The following UBAC1 variants were observed in gnomAD, a reference collection of about 807,000 sequenced individuals.
UBAC1 encodes UBA domain containing 1, also known as ubiquitin-associated domain-containing protein 1.
Under a neutral mutation model 45.9 loss-of-function variants are expected in UBAC1, and 27 were observed. That is an observed-to-expected ratio of 0.59 (90% CI 0.43 to 0.81). UBAC1 has a LOEUF of 0.81. UBAC1 is among the 30% of genes least tolerant of loss of function. The probability of loss-of-function intolerance (pLI) is 0.00; values close to 1 mark genes in which losing one functional copy is unlikely to be tolerated. For missense variants in UBAC1, 529 were observed against 539.2 expected (o/e 0.98, Z 0.19); for synonymous variants, 227 against 215.5 (o/e 1.05, Z -0.47).
rs1186904801 is a variant in UBAC1, at chr9:135,939,716, A to G, written c.920T>C (p.Val307Ala). The G allele has an allele frequency of 6.2e-7, 1 of 1,613,764 alleles. No individual in the cohort carries two copies. The highest frequency in any genetic ancestry group is 1.1e-5 in the South Asian group (1 of 91,070). Residue 307 changes from valine to alanine, a missense_variant, in exon 8 of 10, where the codon GTG becomes GCG. Val to Ala is a moderately conservative substitution (Grantham distance 64, BLOSUM62 0). Coordinates refer to ENST00000371756, the MANE Select transcript of UBAC1 (RefSeq NM_016172.3). ...GTTGTTCACTCTGAGGGCATCTATC[A>G]CCTCTTTCTCGTCGAACCCCATCTC... ...LMEMGFDEKE[V>A]IDALRVNNNQ...
intron 3 of UBAC1, among the ~76,000 whole-genome samples, chr9:135,950,560 A>C (rs1839395125): frequency 6.6e-6 from 1 of 152,168 alleles, no homozygotes; most frequent in African/African-American, 2.4e-5. Context: ...ACAGCTGTGT[A>C]AGAAGGATAG....
intron 1 of UBAC1, among the ~76,000 whole-genome samples, chr9:135,959,017 C>A (rs972084250): frequency 6.6e-6 from 1 of 152,194 alleles, no homozygotes; most frequent in Admixed American, 6.5e-5. Flanking sequence ...AGCATTGCAT[C>A]GGAACTGGCT....
intron 5 of UBAC1, 31 bp downstream of exon 5, chr9:135,946,238 C>T (rs1460848447): frequency 6.7e-7 from 1 of 1,502,258 alleles, no homozygotes; most frequent in Non-Finnish European, 9.3e-7. Flanking sequence ...AGTGAACCGC[C>T]CTGGAATGCA....
chr9:135,941,589 A>G (rs1011613174), intron 7 of UBAC1, among the ~76,000 whole-genome samples: 1 of 152,204 alleles, frequency 6.6e-6, no homozygotes, highest in African/African-American at 2.4e-5. Flanking sequence ...CCTCCTCACT[A>G]GCTTCAATAG....
chr9:135,947,733 C>G, intron 4 of UBAC1, 65 bp downstream of exon 4: 2 of 1,373,548 alleles, frequency 1.5e-6, no homozygotes, highest in Admixed American at 2.2e-5. Flanking sequence ...CCGCAGGAAC[C>G]CCCCCACAGC....
intron 7 of UBAC1, among the ~76,000 whole-genome samples, chr9:135,944,609 C>T (rs10116480): frequency 0.038 from 5,859 of 152,302 alleles, 260 homozygotes; most frequent in African/African-American, 0.11. Context: ...AGCGGCCCCT[C>T]GCTCATGGAC....
In UBAC1 at chr9:135,953,777, C is replaced by T. The variant is rs970355113; in HGVS notation, c.260-24G>A. 7 of 1,603,880 alleles carry T rather than the reference C, an allele frequency of 4.4e-6. No homozygotes were observed. The South Asian group carries it at 5.5e-5, about 13-fold the overall frequency. ...ATCTAGAAAAAACAACACGTATATC[C>T]AACACACTGGTTATCACTTCATATC... On this transcript the variant is annotated intron_variant, in intron 2 of 9. Transcript: ENST00000371756.
At chr9:135,957,233 T>TG (rs377564954) in intron 1 of UBAC1, among the ~76,000 whole-genome samples, 2 of 151,894 alleles carry the variant, frequency 1.3e-5, no homozygotes. Flanking sequence ...GAGGGGATGT[T>TG]GGGGGGACGC....
intron 1 of UBAC1, among the ~76,000 whole-genome samples, chr9:135,960,381 C>G (rs10858190): frequency 1.3e-5 from 2 of 152,160 alleles, no homozygotes; most frequent in African/African-American, 4.8e-5. Flanking sequence ...TCTCTCTTGA[C>G]CAATTTTACC....
At chr9:135,935,180 A>G (rs1839189280) in intron 9 of UBAC1, among the ~76,000 whole-genome samples, 1 of 152,208 alleles carries the variant, frequency 6.6e-6, no homozygotes. Context: ...TACAGGCATG[A>G]GCCACCATGC....
chr9:135,938,056 G>A (rs368680920), intron 9 of UBAC1, among the ~76,000 whole-genome samples, 166 bp downstream of exon 9: 38 of 152,150 alleles, frequency 2.5e-4, no homozygotes, highest in Non-Finnish European at 3.5e-4. Flanking sequence ...GTGACGTAGC[G>A]GGACTACACC....
At chr9:135,952,398 T>C (rs1839416358) in intron 3 of UBAC1, among the ~76,000 whole-genome samples, 3 of 152,240 alleles carry the variant, frequency 2.0e-5, no homozygotes, top group Admixed American at 2.0e-4. Flanking sequence ...GGAAAGTGGC[T>C]GCCCTTCTAG....
rs572187382 is a variant in UBAC1 at position 135,953,387 on chromosome 9, G to T, written c.333+293C>A. 4.6e-5 allele frequency among the ~76,000 whole-genome samples: 7 copies of T among 152,256 alleles called. No individual in the cohort carries two copies. The South Asian group carries it at 1.5e-3, about 32-fold the overall frequency. On this transcript the variant is annotated intron_variant, in intron 3 of 9. Coordinates refer to ENST00000371756, the MANE Select transcript of UBAC1 (RefSeq NM_016172.3). ...GCTGGAGTGCAGTGGCACGATCTCGGCTCACTGCAACCTCTGCCTCCCGGG... is the reference window on the plus strand; with the variant it reads ...GCTGGAGTGCAGTGGCACGATCTCGTCTCACTGCAACCTCTGCCTCCCGGG...
At chr9:135,954,628 T>C (rs1055260015) in intron 2 of UBAC1, among the ~76,000 whole-genome samples, 1 of 152,240 alleles carries the variant, frequency 6.6e-6, no homozygotes, top group Non-Finnish European at 1.5e-5. Flanking sequence ...AAAGAATTGG[T>C]GACAATCCTG....
Position 135,935,414 on chromosome 9 carries a change from G to A in UBAC1, c.1103-1899C>T, listed in dbSNP as rs1487184619. On this transcript the variant is annotated intron_variant, in intron 9 of 9. Transcript: ENST00000371756. ...CAATCCCAGCACTCTAGAAGGCAGA[G>A]GTGGGGGGAGCGCTTGAAGCCAGGA... 2.6e-5 allele frequency among the ~76,000 whole-genome samples: 4 copies of A among 152,310 alleles called. No individual in the cohort carries two copies. The East Asian group carries it at 5.8e-4, about 22-fold the overall frequency.
Position 135,961,195 on chromosome 9 carries a change from C to A in UBAC1, c.-33G>T. 1 of 1,489,514 alleles carries A rather than the reference C, an allele frequency of 6.7e-7. No individual in the cohort carries two copies. The highest frequency in any genetic ancestry group is 8.9e-7 in the Non-Finnish European group (1 of 1,127,054). The allele number at this position is 1,489,514 out of a possible 1,614,324, so 92.3% of individuals were successfully genotyped here. ...CCGCCGCAGGGGCCTGCGCCCGCCA[C>A]CCGGGCCCCTGAAGGTCACCGGGAA... On this transcript the variant is annotated 5_prime_UTR_variant, in exon 1 of 10. Coordinates refer to ENST00000371756, the MANE Select transcript of UBAC1 (RefSeq NM_016172.3).
At chr9:135,950,815 C>A (rs1012771801) in intron 3 of UBAC1, among the ~76,000 whole-genome samples, 1 of 152,116 alleles carries the variant, frequency 6.6e-6, no homozygotes, top group Admixed American at 6.5e-5. Flanking sequence ...GTGGTTGGGC[C>A]GGGCATGGTG....
At chr9:135,946,443 C>A in intron 4 of UBAC1, 72 bp from the exon 5 acceptor site, 1 of 971,516 alleles carries the variant, frequency 1.0e-6, no homozygotes, top group Non-Finnish European at 1.7e-6. Context: ...ACTTGCTCCC[C>A]TGTCCTAGAA....
chr9:135,946,706 A>G (rs1839341607), intron 4 of UBAC1, among the ~76,000 whole-genome samples: 1 of 152,232 alleles, frequency 6.6e-6, no homozygotes, highest in African/African-American at 2.4e-5. Context: ...TTCACTGAAG[A>G]AAACAGAATC....
Sources: allele counts gnomAD v4.1 joint callset (sites outside exome capture counted in the v4.1 genomes callset), GRCh38; gene constraint gnomAD v4.1.1; transcripts MANE v1.5; gene names NCBI Gene and HGNC (gene_info 2026-07-23, HGNC 2026-07-21).